The following CNTN5 variants were observed in gnomAD, a reference collection of about 807,000 sequenced individuals.
CNTN5 encodes contactin-5.
Under a neutral mutation model 129.1 loss-of-function variants are expected in CNTN5, and 77 were observed. The observed-to-expected ratio is 0.60, with a 90% CI of 0.50 to 0.72. The LOEUF is 0.72. Ranked by LOEUF, CNTN5 falls within the 30% of genes least tolerant of loss-of-function variation. The probability of loss-of-function intolerance (pLI) is 0.00; values close to 1 mark genes in which losing one functional copy is unlikely to be tolerated. For synonymous variants in CNTN5, 509 were observed against 465.6 expected, an observed-to-expected ratio of 1.09 and a Z score of -1.20; for missense variants, 1,478 against 1,328.8, an observed-to-expected ratio of 1.11 and a Z score of -1.75.
At chr11:99,850,277 C>A (rs1018219463) in intron 6 of CNTN5, among the ~76,000 whole-genome samples, 2 of 151,972 alleles carry the variant, frequency 1.3e-5, no homozygotes, top group Non-Finnish European at 2.9e-5. Context: ...CAGTGAGGAC[C>A]TAGAAAGCTA....
intron 3 of CNTN5, among the ~76,000 whole-genome samples, chr11:99,735,083 G>A (rs1027661023): frequency 2.6e-5 from 4 of 152,160 alleles, no homozygotes; most frequent in African/African-American, 9.7e-5. Flanking sequence ...CAACATCTTA[G>A]GTTCATTTAT....
At position 99,412,966 on chromosome 11, in the gene CNTN5, T is replaced by C. The variant is rs1374464629; in HGVS notation, c.-71+87482T>C. Reference sequence around the variant, plus strand: ...TCACCAAGCAGACATCAACAACAAATTGCACATTTGACTTTATGACTTTAT... The same window carrying C: ...TCACCAAGCAGACATCAACAACAAACTGCACATTTGACTTTATGACTTTAT... On this transcript the variant is annotated intron_variant, in intron 2 of 24. Coordinates refer to ENST00000524871, the MANE Select transcript of CNTN5 (RefSeq NM_014361.4). 2.0e-5 allele frequency among the ~76,000 whole-genome samples: 3 copies of C among 152,188 alleles called. No individual in the cohort carries two copies. The East Asian group carries it at 5.8e-4, about 29-fold the overall frequency.
intron 3 of CNTN5, among the ~76,000 whole-genome samples, chr11:99,693,339 A>G (rs576429150): frequency 1.3e-5 from 2 of 152,206 alleles, no homozygotes; most frequent in African/African-American, 2.4e-5. Flanking sequence ...TCCTTTCTGT[A>G]TGGAGCTTAG....
At chr11:100,131,849 C>T (rs766024810) in intron 13 of CNTN5, among the ~76,000 whole-genome samples, 1 of 151,960 alleles carries the variant, frequency 6.6e-6, no homozygotes, top group Non-Finnish European at 1.5e-5. Context: ...AAAATAATTT[C>T]AACAAGTCCA....
chr11:100,166,921 C>T (rs1947656313), intron 13 of CNTN5, among the ~76,000 whole-genome samples: 1 of 151,762 alleles, frequency 6.6e-6, no homozygotes, highest in African/African-American at 2.4e-5. Flanking sequence ...ATAATTTCCT[C>T]ATTTTATAGG....
chr11:99,453,028 G>T (rs1226852601), intron 2 of CNTN5, among the ~76,000 whole-genome samples: 2 of 152,266 alleles, frequency 1.3e-5, no homozygotes, highest in Middle Eastern at 3.4e-3. Context: ...AAACCGGTGT[G>T]CTGTGCTGTT....
chr11:99,982,138 TGAATGACTAATGAACTTCAAAC>T (rs1457414422), intron 8 of CNTN5, among the ~76,000 whole-genome samples: 1 of 152,212 alleles, frequency 6.6e-6, no homozygotes, highest in Admixed American at 6.5e-5. Flanking sequence ...ATAACTTCAG[TGAATGACTAATGAACTTCAAAC>T]GAATGACTAA....
intron 3 of CNTN5, among the ~76,000 whole-genome samples, chr11:99,653,641 G>A (rs1402788747): frequency 2.6e-5 from 4 of 152,032 alleles, no homozygotes; most frequent in East Asian, 1.9e-4. Flanking sequence ...TGTCACCAAA[G>A]TCCCTCTCCT....
At chr11:99,375,946 C>T (rs1940153415) in intron 2 of CNTN5, among the ~76,000 whole-genome samples, 1 of 152,152 alleles carries the variant, frequency 6.6e-6, no homozygotes, top group South Asian at 2.1e-4. Flanking sequence ...AATGGAATAT[C>T]GACTTGGATC....
In CNTN5 at chr11:100,036,272, A is replaced by G. The variant is rs577933711; in HGVS notation, c.981-24940A>G. On this transcript the variant is annotated intron_variant, in intron 9 of 24. Transcript: ENST00000524871. ...TTGTCAGGTTTGTCAAAGATCAGAT[A>G]GCTGTAGATATGCGGCATTATTTCT... Among the ~76,000 whole-genome samples, 79 of 128,690 alleles carry G rather than the reference A, an allele frequency of 6.1e-4. 1 individual carries two copies. The highest frequency in any genetic ancestry group is 2.2e-3 in the African/African-American group (78 of 36,118). 84.4% of individuals were successfully genotyped at this position (128,690 alleles called of 152,430 possible).
chr11:99,136,941 A>G (rs898181298), intron 1 of CNTN5, among the ~76,000 whole-genome samples: 3 of 152,160 alleles, frequency 2.0e-5, no homozygotes, highest in African/African-American at 7.2e-5. Flanking sequence ...TTTAATTTTA[A>G]TGAGATACAT....
rs76059420 is a variant in CNTN5, at chr11:99,570,059, G to C, written c.55+13790G>C. ...GTCAATGTCTTCATCAGGCTGCTCA[G>C]CCTCATGTCATCCATTTTCACACAT... On this transcript the variant is annotated intron_variant, in intron 3 of 24. Transcript: ENST00000524871. Among the ~76,000 whole-genome samples, 1,063 of 151,618 alleles carry C rather than the reference G, an allele frequency of 7.0e-3. 11 individuals are homozygous for C. The highest frequency in any genetic ancestry group is 0.024 in the African/African-American group (997 of 41,340).
chr11:100,039,912 G>T (rs542517124), intron 9 of CNTN5, among the ~76,000 whole-genome samples: 1 of 152,004 alleles, frequency 6.6e-6, no homozygotes, highest in Non-Finnish European at 1.5e-5. Flanking sequence ...CCATTGGTTC[G>T]AATTTCCTCC....
intron 6 of CNTN5, among the ~76,000 whole-genome samples, chr11:99,874,603 A>G (rs1211163343): frequency 6.6e-6 from 1 of 152,108 alleles, no homozygotes; most frequent in Non-Finnish European, 1.5e-5. Flanking sequence ...TTATCTTTTT[A>G]TTTGTTAGTT....
intron 8 of CNTN5, among the ~76,000 whole-genome samples, chr11:99,992,263 G>A (rs1313649388): frequency 1.3e-5 from 2 of 152,170 alleles, no homozygotes; most frequent in Admixed American, 6.5e-5. Flanking sequence ...GCAACAACAG[G>A]TATTTCATAG....
At chr11:99,239,817 G>A (rs1861451734) in intron 1 of CNTN5, among the ~76,000 whole-genome samples, 1 of 151,972 alleles carries the variant, frequency 6.6e-6, no homozygotes, top group African/African-American at 2.4e-5. Flanking sequence ...GGCGCCTGTA[G>A]TCCCAGCTAC....
chr11:99,384,144 G>A (rs1191166590), intron 2 of CNTN5, among the ~76,000 whole-genome samples: 1 of 152,034 alleles, frequency 6.6e-6, no homozygotes, highest in African/African-American at 2.4e-5. Context: ...CTTTCAAAAA[G>A]CTTTTTACAA....
At chr11:99,607,329 C>A (rs1270916947) in intron 3 of CNTN5, among the ~76,000 whole-genome samples, 1 of 140,746 alleles carries the variant, frequency 7.1e-6, no homozygotes, top group Non-Finnish European at 1.5e-5. Context: ...ATTTATGCAG[C>A]CAAAAAACAC....
chr11:99,687,227 C>T (rs1953834733), intron 3 of CNTN5, among the ~76,000 whole-genome samples: 1 of 151,930 alleles, frequency 6.6e-6, no homozygotes, highest in South Asian at 2.1e-4. Flanking sequence ...ACTGACCTGC[C>T]CAGTTGGCAA....
Sources: allele counts gnomAD v4.1 joint callset (sites outside exome capture counted in the v4.1 genomes callset), GRCh38; gene constraint gnomAD v4.1.1; transcripts MANE v1.5; gene names NCBI Gene and HGNC (gene_info 2026-07-23, HGNC 2026-07-21).